The following OPHN1 variants were observed in gnomAD, a reference collection of about 807,000 sequenced individuals.
The protein encoded by OPHN1 is oligophrenin 1, also known as oligophrenin-1.
A neutral mutation model predicts 60.7 loss-of-function variants in OPHN1; 11 were observed. The observed-to-expected ratio is 0.18, with a 90% confidence interval of 0.11 to 0.30. OPHN1 has a LOEUF of 0.30. Ranked by LOEUF, OPHN1 falls within the 10% of genes least tolerant of loss-of-function variation. The pLI is 1.00. For missense variants in OPHN1, 449 were observed against 611.0 expected (o/e 0.73, Z 2.80); for synonymous variants, 226 against 222.6 (o/e 1.02, Z -0.14).
intron 2 of OPHN1, among the ~76,000 whole-genome samples, chrX:68,314,521 C>CA (rs1203257450): frequency 1.5e-4 from 15 of 98,890 alleles, no homozygotes; most frequent in Non-Finnish European, 2.7e-4. Flanking sequence ...AACTCCATTT[C>CA]AAAAAAAAAA....
At chrX:68,229,440 A>G (rs1261758688) in intron 6 of OPHN1, among the ~76,000 whole-genome samples, 1 of 111,921 alleles carries the variant, frequency 8.9e-6, no homozygotes, top group Admixed American at 9.5e-5. Flanking sequence ...ACCAAAAAAG[A>G]GCCCACATTG....
chrX:68,155,783 A>G (rs983914633), intron 15 of OPHN1, among the ~76,000 whole-genome samples: 1 of 112,105 alleles, frequency 8.9e-6, no homozygotes, highest in African/African-American at 3.2e-5. Context: ...AGCAGCTTAC[A>G]AAATGTGAAG....
intron 4 of OPHN1, among the ~76,000 whole-genome samples, chrX:68,279,777 C>T (rs143373503): frequency 1.4e-3 from 156 of 111,437 alleles, no homozygotes; most frequent in African/African-American, 5.1e-3. Flanking sequence ...AGCAAACACT[C>T]AATATACGAT....
At chrX:68,157,583 G>A (rs1331677906) in intron 15 of OPHN1, among the ~76,000 whole-genome samples, 1 of 111,497 alleles carries the variant, frequency 9.0e-6, no homozygotes, top group African/African-American at 3.3e-5. Flanking sequence ...ATTAGACGGG[G>A]GAAGAAAGAG....
chrX:68,123,295 A>T (rs139484686), intron 15 of OPHN1, among the ~76,000 whole-genome samples: 1,135 of 112,003 alleles, frequency 0.01, 6 homozygotes, highest in Non-Finnish European at 0.017. Flanking sequence ...GAGAGATTTC[A>T]TCAATAGCAG....
intron 6 of OPHN1, among the ~76,000 whole-genome samples, chrX:68,227,570 T>G (rs1033496902): frequency 1.3e-4 from 15 of 111,594 alleles, no homozygotes; most frequent in Non-Finnish European, 5.6e-5. Flanking sequence ...CAGACCACAG[T>G]GCAATCAAAC....
chrX:68,341,975 T>G (rs1018940481), intron 2 of OPHN1, among the ~76,000 whole-genome samples: 4 of 100,770 alleles, frequency 4.0e-5, no homozygotes, highest in Admixed American at 1.1e-4. Context: ...GGTGTTTTTT[T>G]TTTTTTTTTT....
intron 2 of OPHN1, among the ~76,000 whole-genome samples, chrX:68,365,979 C>CAA (rs769428988): frequency 2.2e-5 from 2 of 92,801 alleles, no homozygotes; most frequent in African/African-American, 3.9e-5. Flanking sequence ...ACTTTTTCTC[C>CAA]AAAAAAAAAA....
At chrX:68,077,511 T>A (rs1331653355) in intron 19 of OPHN1, among the ~76,000 whole-genome samples, 1 of 112,491 alleles carries the variant, frequency 8.9e-6, no homozygotes, top group Non-Finnish European at 1.9e-5. Flanking sequence ...GATGTAGATT[T>A]GTAAGAACTG....
At chrX:68,089,699 C>G (rs1255101317) in intron 19 of OPHN1, among the ~76,000 whole-genome samples, 1 of 111,804 alleles carries the variant, frequency 8.9e-6, no homozygotes, top group Non-Finnish European at 1.9e-5. Flanking sequence ...TTTCTGCTCT[C>G]TGAACATTGG....
Position 68,146,398 on chromosome X carries a change from A to T in OPHN1, c.1277-27066T>A, listed in dbSNP as rs759680626. On this transcript the variant is annotated intron_variant, in intron 15 of 24. Coordinates refer to ENST00000355520, the MANE Select transcript of OPHN1 (RefSeq NM_002547.3). The stretch of plus-strand genomic sequence containing the variant: ...ATATAAATATTAGTTAATTAGTGAG[A>T]TAACTGGATTACAACAAGTGAATCT... Among the ~76,000 whole-genome samples the T allele has an allele frequency of 5.3e-5, 6 of 112,329 alleles. No homozygotes were observed. The South Asian group carries it at 2.2e-3, about 41-fold the overall frequency.
chrX:68,353,211 G>A (rs1362390458), intron 2 of OPHN1, among the ~76,000 whole-genome samples: 1 of 108,848 alleles, frequency 9.2e-6, no homozygotes, highest in Non-Finnish European at 1.9e-5. Flanking sequence ...GAGATTAAGT[G>A]CAGGTTCTTA....
intron 16 of OPHN1, among the ~76,000 whole-genome samples, chrX:68,115,604 T>A (rs1268204391): frequency 8.9e-6 from 1 of 112,249 alleles, no homozygotes; most frequent in African/African-American, 3.2e-5. Flanking sequence ...CTGTGCTTTG[T>A]GTGCAGCATT....
At chrX:68,272,434 C>A (rs764106950) in intron 5 of OPHN1, among the ~76,000 whole-genome samples, 2 of 112,396 alleles carry the variant, frequency 1.8e-5, no homozygotes, top group African/African-American at 3.2e-5. Flanking sequence ...GAAGTGCAGT[C>A]ATGCACCACA....
At chrX:68,217,077 T>G (rs1309277264) in intron 6 of OPHN1, among the ~76,000 whole-genome samples, 2 of 111,315 alleles carry the variant, frequency 1.8e-5, no homozygotes, top group African/African-American at 6.5e-5. Context: ...GCGCGCACCG[T>G]GCGCGAGCCG....
chrX:68,329,189 A>G (rs1205448102), intron 2 of OPHN1, among the ~76,000 whole-genome samples: 1 of 112,605 alleles, frequency 8.9e-6, no homozygotes, highest in Non-Finnish European at 1.9e-5. Flanking sequence ...AAGTGCAGGG[A>G]TTACAGGTAT....
intron 19 of OPHN1, among the ~76,000 whole-genome samples, chrX:68,086,223 C>T (rs1313142140): frequency 1.0e-5 from 1 of 99,926 alleles, no homozygotes. Flanking sequence ...GAATGGGAAA[C>T]TCATAGCATA....
chrX:68,357,542 G>A (rs1341802470), intron 2 of OPHN1, among the ~76,000 whole-genome samples: 1 of 110,003 alleles, frequency 9.1e-6, no homozygotes, highest in African/African-American at 3.3e-5. Context: ...TGAGAATGAT[G>A]GTTTCCAGCT....
chrX:68,421,109 A>G (rs1161395388), intron 2 of OPHN1, among the ~76,000 whole-genome samples: 1 of 111,824 alleles, frequency 8.9e-6, no homozygotes, highest in African/African-American at 3.2e-5. Flanking sequence ...GTCAAAGAAA[A>G]GGAAATTGTT....
Sources: allele counts gnomAD v4.1 joint callset (sites outside exome capture counted in the v4.1 genomes callset), GRCh38; gene constraint gnomAD v4.1.1; transcripts MANE v1.5; gene names NCBI Gene and HGNC (gene_info 2026-07-23, HGNC 2026-07-21).